CREB5: variants seen among roughly 807,000 people sequenced by gnomAD.
CREB5 encodes cAMP responsive element binding protein 5.
Under a neutral mutation model 57.1 loss-of-function variants are expected in CREB5, and 19 were observed. The ratio of observed to expected loss-of-function variants is 0.33; its 90% CI spans 0.23 to 0.49. The LOEUF (loss-of-function observed/expected upper bound fraction) is 0.49, where lower values mean the gene tolerates loss of function less well. Ranked by LOEUF, CREB5 falls within the 20% of genes least tolerant of loss-of-function variation. CREB5 has a pLI of 0.99. For synonymous variants in CREB5, 238 were observed against 238.3 expected, an observed-to-expected ratio of 1.00 and a Z score of 0.01; for missense variants, 579 against 671.6, an observed-to-expected ratio of 0.86 and a Z score of 1.52.
At chr7:28,561,744 A>G (rs1795278953) in intron 4 of CREB5, among the ~76,000 whole-genome samples, 1 of 152,174 alleles carries the variant, frequency 6.6e-6, no homozygotes, top group Non-Finnish European at 1.5e-5. Flanking sequence ...GTGAACAGTT[A>G]TGTCATTTTT....
At chr7:28,378,967 T>C (rs1786902889) in intron 1 of CREB5, among the ~76,000 whole-genome samples, 1 of 152,168 alleles carries the variant, frequency 6.6e-6, no homozygotes, top group South Asian at 2.1e-4. Flanking sequence ...AAAGACTTAT[T>C]TGAGGAACCT....
chr7:28,751,781 T>C (rs1035906337), intron 7 of CREB5, among the ~76,000 whole-genome samples: 8 of 152,218 alleles, frequency 5.3e-5, no homozygotes, highest in Non-Finnish European at 1.2e-4. Context: ...TTTATTCATA[T>C]TTCCCTATTT....
chr7:28,365,704 C>T (rs1008628623), intron 1 of CREB5, among the ~76,000 whole-genome samples: 1 of 152,168 alleles, frequency 6.6e-6, no homozygotes, highest in Non-Finnish European at 1.5e-5. Context: ...TCCTCTAGGT[C>T]GCCCATGACC....
At chr7:28,766,858 A>G (rs1405463978) in intron 7 of CREB5, among the ~76,000 whole-genome samples, 1 of 152,250 alleles carries the variant, frequency 6.6e-6, no homozygotes, top group Non-Finnish European at 1.5e-5. Context: ...GTGTGTCTTC[A>G]TCAAAGAGAG....
intron 4 of CREB5, among the ~76,000 whole-genome samples, chr7:28,514,913 C>T (rs1792880817): frequency 6.6e-6 from 1 of 152,094 alleles, no homozygotes; most frequent in Non-Finnish European, 1.5e-5. Flanking sequence ...AATGCTTGGA[C>T]CCTATTTTAT....
At chr7:28,720,528 T>C (rs1002743910) in intron 6 of CREB5, among the ~76,000 whole-genome samples, 1 of 152,150 alleles carries the variant, frequency 6.6e-6, no homozygotes, top group Non-Finnish European at 1.5e-5. Flanking sequence ...AGCAATTTGC[T>C]CATTTATCTA....
intron 5 of CREB5, among the ~76,000 whole-genome samples, chr7:28,695,080 A>G (rs967882529): frequency 6.6e-6 from 1 of 152,178 alleles, no homozygotes; most frequent in South Asian, 2.1e-4. Flanking sequence ...TTAAAAAATT[A>G]GCCGGGCATG....
At chr7:28,737,000 A>T (rs1398998835) in intron 7 of CREB5, among the ~76,000 whole-genome samples, 1 of 152,034 alleles carries the variant, frequency 6.6e-6, no homozygotes, top group Non-Finnish European at 1.5e-5. Context: ...CAGGCTGATC[A>T]TCCTGTTCCC....
At chr7:28,455,095 G>A (rs79370721) in intron 1 of CREB5, among the ~76,000 whole-genome samples, 16,525 of 152,254 alleles carry the variant, frequency 0.11, 1,177 homozygotes, top group South Asian at 0.18. Context: ...GACAAAAGAA[G>A]TAGAAGGGGG....
At chr7:28,307,496 G>C (rs903469121) in intron 1 of CREB5, among the ~76,000 whole-genome samples, 15 of 152,156 alleles carry the variant, frequency 9.9e-5, no homozygotes, top group African/African-American at 3.6e-4. Context: ...GGACTTCCCA[G>C]CCTCCAGAAC....
rs1793286995 is a variant in CREB5, at chr7:28,523,239, A to G, written c.291+15502A>G. ...TTTGGCAGTGGGATAAAGATTAATTACTGGTATATAAGCCGTGCTATGTAT... is the reference window on the plus strand; with the variant it reads ...TTTGGCAGTGGGATAAAGATTAATTGCTGGTATATAAGCCGTGCTATGTAT... On this transcript the variant is annotated intron_variant, in intron 4 of 10. Transcript: ENST00000357727. Among the ~76,000 whole-genome samples, 3 of 152,270 alleles carry G rather than the reference A, an allele frequency of 2.0e-5. No homozygotes were observed. In the South Asian group the frequency reaches 6.2e-4, roughly 32 times the overall value.
At chr7:28,673,745 T>C (rs142878842) in intron 5 of CREB5, among the ~76,000 whole-genome samples, 1,943 of 133,700 alleles carry the variant, frequency 0.015, 58 homozygotes, top group African/African-American at 0.051. Context: ...TGATCTCAGC[T>C]CACTGCAACC....
chr7:28,686,898 G>A (rs537335133), intron 5 of CREB5, among the ~76,000 whole-genome samples: 3 of 151,984 alleles, frequency 2.0e-5, no homozygotes, highest in South Asian at 4.2e-4. Context: ...TTTTCTGCCA[G>A]GATTCTCTCT....
At chr7:28,335,282 T>G (rs1198075443) in intron 1 of CREB5, among the ~76,000 whole-genome samples, 4 of 152,170 alleles carry the variant, frequency 2.6e-5, no homozygotes, top group African/African-American at 9.7e-5. Context: ...TAAATTGATT[T>G]TGTAATACGA....
At chr7:28,302,124 T>G (rs899767830) in intron 1 of CREB5, among the ~76,000 whole-genome samples, 3 of 152,214 alleles carry the variant, frequency 2.0e-5, no homozygotes, top group Admixed American at 6.5e-5. Context: ...GGTATATTAT[T>G]TAAGCTAAAA....
intron 7 of CREB5, among the ~76,000 whole-genome samples, chr7:28,774,703 C>G (rs986782919): frequency 2.0e-5 from 3 of 152,184 alleles, no homozygotes; most frequent in African/African-American, 4.8e-5. Context: ...CAAAACACAG[C>G]CCCCACTGCT....
intron 5 of CREB5, among the ~76,000 whole-genome samples, chr7:28,626,136 T>G (rs1270620085): frequency 1.3e-5 from 2 of 152,204 alleles, no homozygotes; most frequent in African/African-American, 2.4e-5. Flanking sequence ...GGTAGTATAA[T>G]TCATTGTTTT....
At chr7:28,819,079 G>A (rs1046092885) in intron 10 of CREB5, 37 bp from the exon 11 acceptor site, 15 of 1,599,164 alleles carry the variant, frequency 9.4e-6, no homozygotes, top group Non-Finnish European at 1.3e-5. Flanking sequence ...ATTGGTGTGT[G>A]TGTATGTGTG....
intron 1 of CREB5, among the ~76,000 whole-genome samples, chr7:28,400,496 A>G (rs913007469): frequency 1.3e-5 from 2 of 152,212 alleles, no homozygotes; most frequent in African/African-American, 4.8e-5. Context: ...GTCCCAGTGT[A>G]CTGTTTATAC....
Sources: gnomAD v4.1 joint callset for allele counts (sites outside exome capture counted in the v4.1 genomes callset) on GRCh38, gnomAD v4.1.1 for gene constraint, MANE v1.5 for transcripts, NCBI Gene and HGNC (gene_info 2026-07-23, HGNC 2026-07-21) for gene names.